EDN1: variants seen among roughly 807,000 people sequenced by gnomAD.
The protein encoded by EDN1 is endothelin-1.
EDN1 carries 11 observed loss-of-function variants against 21.7 expected under a neutral mutation model. That is an observed-to-expected ratio of 0.51 (90% CI 0.32 to 0.84). EDN1 has a LOEUF of 0.84. Ranked by LOEUF, EDN1 falls within the 40% of genes least tolerant of loss-of-function variation. The pLI is 0.03. For missense variants in EDN1, 244 were observed against 262.3 expected (o/e 0.93, Z 0.48); for synonymous variants, 85 against 90.6 (o/e 0.94, Z 0.35).
chr6:12,292,486 C>T lies in EDN1; in HGVS notation c.210C>T (p.Asp70=). ...AGTGTGTCTACTTCTGCCACCTGGA[C>T]ATCATTTGGGTCAACACTCCCGAGT... ...DKECVYFCHL[D]IIWVNTPEHV... is the part of the protein sequence containing the mutation. Residue 70 remains aspartate (D), a synonymous_variant, in exon 2 of 5, where the codon GAC becomes GAT. Coordinates refer to ENST00000379375, the MANE Select transcript of EDN1 (RefSeq NM_001955.5). 1 of 1,614,196 alleles carries T rather than the reference C, an allele frequency of 6.2e-7. No homozygotes were observed. Among genetic ancestry groups the T allele is most frequent in the Non-Finnish European group, 8.5e-7 (1 of 1,180,036 alleles).
At chr6:12,244,946 A>G in the EDN1 span, among the ~76,000 whole-genome samples, 1 of 152,220 alleles carries the variant, frequency 6.6e-6, no homozygotes, top group South Asian at 2.1e-4. Context: ...CTTCTACCCT[A>G]TCAGGAACAA....
At chr6:12,256,389 G>A in the EDN1 span, among the ~76,000 whole-genome samples, 9 of 151,472 alleles carry the variant, frequency 5.9e-5, no homozygotes, top group East Asian at 1.9e-4. Flanking sequence ...AAGACCCCCC[G>A]CCCCCTAAAA....
the EDN1 span, among the ~76,000 whole-genome samples, chr6:12,234,600 A>C: frequency 6.6e-6 from 1 of 152,188 alleles, no homozygotes; most frequent in Non-Finnish European, 1.5e-5. Context: ...CTCTGCTGTT[A>C]AACACTGCTC....
chr6:12,283,563 T>C, the EDN1 span, among the ~76,000 whole-genome samples: 1 of 152,210 alleles, frequency 6.6e-6, no homozygotes, highest in African/African-American at 2.4e-5. Context: ...TCAAAATCAC[T>C]GGAGCTAATG....
the EDN1 span, among the ~76,000 whole-genome samples, chr6:12,241,720 T>C: frequency 2.6e-5 from 4 of 152,216 alleles, no homozygotes; most frequent in Middle Eastern, 3.2e-3. Flanking sequence ...CTTACTCATG[T>C]TCATAGAAGA....
At chr6:12,236,923 C>T in the EDN1 span, among the ~76,000 whole-genome samples, 8 of 151,272 alleles carry the variant, frequency 5.3e-5, no homozygotes, top group African/African-American at 1.7e-4. Flanking sequence ...TGTGCTGCAC[C>T]CATTAACTCA....
the EDN1 span, among the ~76,000 whole-genome samples, chr6:12,281,901 T>C: frequency 4.6e-5 from 7 of 152,158 alleles, no homozygotes; most frequent in African/African-American, 1.7e-4. Flanking sequence ...GGGTTTTGAA[T>C]TGATATCATA....
chr6:12,241,303 T>C, the EDN1 span, among the ~76,000 whole-genome samples: 5 of 152,062 alleles, frequency 3.3e-5, no homozygotes, highest in African/African-American at 1.2e-4. Flanking sequence ...GTAGCTGTTA[T>C]TACAGGTGTG....
chr6:12,242,836 A>C, the EDN1 span, among the ~76,000 whole-genome samples: 11 of 152,150 alleles, frequency 7.2e-5, no homozygotes, highest in Non-Finnish European at 1.5e-4. Flanking sequence ...TCTATTAACC[A>C]TTATGATTCT....
chr6:12,233,148 A>G, the EDN1 span, among the ~76,000 whole-genome samples: 2 of 152,226 alleles, frequency 1.3e-5, no homozygotes, highest in African/African-American at 2.4e-5. Flanking sequence ...GCCTTCATCC[A>G]AAGTTATAGG....
chr6:12,268,257 T>G, the EDN1 span, among the ~76,000 whole-genome samples: 1 of 152,222 alleles, frequency 6.6e-6, no homozygotes, highest in Non-Finnish European at 1.5e-5. Flanking sequence ...TAGACAGCGA[T>G]TCCTCTGATG....
chr6:12,297,192 G>A lies in EDN1; in HGVS notation c.*1125G>A. The A allele has an allele frequency of 6.6e-6, 1 of 151,916 alleles. No individual in the cohort carries two copies. Among genetic ancestry groups the A allele is most frequent in the Non-Finnish European group, 1.5e-5 (1 of 67,988 alleles). The allele number at this position is 151,916 out of a possible 1,614,324, so 9.4% of individuals were successfully genotyped here. A position where few individuals can be genotyped will look rare whatever the true frequency, so the allele number is the denominator to read the frequency against. On this transcript the variant is annotated 3_prime_UTR_variant, in exon 5 of 5. Coordinates refer to ENST00000379375, the MANE Select transcript of EDN1 (RefSeq NM_001955.5). ...GAAAATAAATATTTTTTTCCTTACT[G>A]TACTGATTTGGAATCATTACTGAAA...
chr6:12,291,217 TCC>T (rs56214323), intron 1 of EDN1, among the ~76,000 whole-genome samples: 31,478 of 91,974 alleles, frequency 0.34, 4,118 homozygotes, highest in African/African-American at 0.46. Context: ...AACTACCGCC[TCC>T]CCCCCCCCCC....
chr6:12,285,953 C>G (rs896452148), upstream of EDN1, among the ~76,000 whole-genome samples: 1 of 152,080 alleles, frequency 6.6e-6, no homozygotes, highest in Non-Finnish European at 1.5e-5. Context: ...TTTAACCATA[C>G]CAACCATGAT....
chr6:12,233,588 A>T, the EDN1 span, among the ~76,000 whole-genome samples: 1 of 152,190 alleles, frequency 6.6e-6, no homozygotes, highest in African/African-American at 2.4e-5. Flanking sequence ...TATAATACAG[A>T]TGTTATTATA....
At chr6:12,286,769 A>G (rs9380979), upstream of EDN1, among the ~76,000 whole-genome samples, 30,948 of 151,384 alleles carry the variant, frequency 0.2, 3,403 homozygotes, top group South Asian at 0.34. Flanking sequence ...AGAAAGAAAT[A>G]CATAAAAAAT....
chr6:12,235,633 T>C, the EDN1 span, among the ~76,000 whole-genome samples: 1 of 152,206 alleles, frequency 6.6e-6, no homozygotes. Flanking sequence ...TTGAGATCGC[T>C]ATTGGTTGAG....
chr6:12,289,536 G>T (rs148272089), upstream of EDN1, among the ~76,000 whole-genome samples: 40 of 152,132 alleles, frequency 2.6e-4, no homozygotes, highest in Non-Finnish European at 4.1e-4. Flanking sequence ...TTCTTCTCCC[G>T]CCATGTCTTA....
At chr6:12,277,537 G>A in the EDN1 span, among the ~76,000 whole-genome samples, 8 of 152,224 alleles carry the variant, frequency 5.3e-5, no homozygotes, top group African/African-American at 1.4e-4. Context: ...TTTGGGAGTC[G>A]TCAGTTCATA....
Sources: allele counts gnomAD v4.1 joint callset (sites outside exome capture counted in the v4.1 genomes callset), GRCh38; gene constraint gnomAD v4.1.1; transcripts MANE v1.5; gene names NCBI Gene and HGNC (gene_info 2026-07-23, HGNC 2026-07-21).